Variants in STXBP5L observed in about 807,000 individuals in gnomAD.
The protein encoded by STXBP5L is syntaxin binding protein 5L.
Under a neutral mutation model 144.5 loss-of-function variants are expected in STXBP5L, and 65 were observed. The ratio of observed to expected loss-of-function variants is 0.45; its 90% CI spans 0.37 to 0.55. The LOEUF is 0.55. Ranked by LOEUF, STXBP5L falls within the 20% of genes least tolerant of loss-of-function variation. The pLI, the probability that STXBP5L is intolerant of heterozygous loss-of-function variation, is 0.00. For synonymous variants in STXBP5L, 505 were observed against 469.6 expected (o/e 1.08, Z -0.97); for missense variants, 1,298 against 1,405.5 (o/e 0.92, Z 1.22).
intron 2 of STXBP5L, among the ~76,000 whole-genome samples, chr3:120,929,337 T>C (rs2107612696): frequency 6.6e-6 from 1 of 152,292 alleles, no homozygotes; most frequent in Middle Eastern, 3.4e-3. Flanking sequence ...TCATATGTAG[T>C]TTAGTAATTG....
At chr3:121,118,939 T>C (rs111985002) in intron 6 of STXBP5L, among the ~76,000 whole-genome samples, 2 of 151,580 alleles carry the variant, frequency 1.3e-5, no homozygotes, top group Middle Eastern at 3.4e-3. Context: ...GGAGTTGGTA[T>C]AGAAGAATAG....
At chr3:121,407,689 G>A in intron 23 of STXBP5L, 86 bp downstream of exon 23, 1 of 1,518,938 alleles carries the variant, frequency 6.6e-7, no homozygotes. Flanking sequence ...ATGTGCAGAT[G>A]TTATCAAGAA....
At chr3:121,356,564 G>A (rs2045521971) in intron 20 of STXBP5L, among the ~76,000 whole-genome samples, 2 of 152,224 alleles carry the variant, frequency 1.3e-5, no homozygotes, top group Non-Finnish European at 2.9e-5. Context: ...GTATTTGGGT[G>A]GGAGTATCCC....
intron 11 of STXBP5L, among the ~76,000 whole-genome samples, chr3:121,225,299 C>T (rs1219612755): frequency 2.0e-5 from 3 of 151,922 alleles, no homozygotes; most frequent in African/African-American, 7.3e-5. Flanking sequence ...TTGGATTGTG[C>T]CCCAGGACTC....
chr3:121,044,203 A>T (rs1947352850), intron 4 of STXBP5L, among the ~76,000 whole-genome samples: 1 of 151,968 alleles, frequency 6.6e-6, no homozygotes. Context: ...TGCAAATCAT[A>T]CAAATTTCTA....
chr3:121,297,258 G>A lies in STXBP5L; in HGVS notation c.2110+17302G>A, dbSNP rs181282390. Among the ~76,000 whole-genome samples the A allele has an allele frequency of 2.1e-4, 31 of 150,064 alleles. No individual in the cohort carries two copies. In the East Asian group the frequency reaches 5.7e-3, roughly 27 times the overall value. ...TGTGTGTGATATTCCTGATATTAGTGATAATATACATATATGAATGATTCT... is the reference window on the plus strand; with the variant it reads ...TGTGTGTGATATTCCTGATATTAGTAATAATATACATATATGAATGATTCT... On this transcript the variant is annotated intron_variant, in intron 19 of 26. Coordinates refer to ENST00000471454, the MANE Select transcript of STXBP5L (RefSeq NM_001308330.2).
chr3:120,997,152 T>A (rs1943416951), intron 3 of STXBP5L, among the ~76,000 whole-genome samples: 1 of 152,190 alleles, frequency 6.6e-6, no homozygotes, highest in African/African-American at 2.4e-5. Context: ...TAATTTTCCA[T>A]GGTGTATATG....
chr3:120,973,492 C>G (rs551793462), intron 3 of STXBP5L, among the ~76,000 whole-genome samples: 15 of 151,880 alleles, frequency 9.9e-5, no homozygotes, highest in African/African-American at 2.9e-4. Context: ...AGCTAGCAGT[C>G]TATCATTTTC....
At chr3:121,086,263 A>T (rs1401469381) in intron 5 of STXBP5L, among the ~76,000 whole-genome samples, 2 of 152,040 alleles carry the variant, frequency 1.3e-5, no homozygotes, top group Non-Finnish European at 2.9e-5. Context: ...TATATTTCCA[A>T]TTTTATTCAG....
rs184019424 is a variant in STXBP5L at position 121,012,641 on chromosome 3, G to A, written c.288-29059G>A. Among the ~76,000 whole-genome samples the A allele has an allele frequency of 4.9e-4, 75 of 151,566 alleles. No homozygotes were observed. The East Asian group carries it at 0.012, about 24-fold the overall frequency. ...TGTATATTTCCTTTAGAGAAATGTC[G>A]ATTTAAATATTTTGCTCAGTTTTAT... is the stretch of plus-strand genomic sequence containing the variant. On this transcript the variant is annotated intron_variant, in intron 3 of 26. Coordinates refer to ENST00000471454, the MANE Select transcript of STXBP5L (RefSeq NM_001308330.2).
rs2046774620 is a variant in STXBP5L, at chr3:121,397,993, G to A, written c.2588-9250G>A. On this transcript the variant is annotated intron_variant, in intron 22 of 26. Coordinates refer to ENST00000471454, the MANE Select transcript of STXBP5L (RefSeq NM_001308330.2). The stretch of plus-strand genomic sequence containing the variant: ...CCCTGAATAGTTATTTCACAGGTAG[G>A]ACGTTTATCAGTAATTTGATTTACC... Among the ~76,000 whole-genome samples, 5 of 152,318 alleles carry A rather than the reference G, an allele frequency of 3.3e-5. No individual in the cohort carries two copies. In the South Asian group the frequency reaches 1.0e-3, roughly 32 times the overall value.
intron 22 of STXBP5L, among the ~76,000 whole-genome samples, chr3:121,391,574 G>A (rs1046482973): frequency 6.6e-6 from 1 of 152,148 alleles, no homozygotes; most frequent in Non-Finnish European, 1.5e-5. Flanking sequence ...GAGTTTTGGT[G>A]TAGATGACCT....
chr3:121,061,175 T>C (rs2041257679), intron 5 of STXBP5L, among the ~76,000 whole-genome samples: 1 of 152,210 alleles, frequency 6.6e-6, no homozygotes, highest in East Asian at 1.9e-4. Flanking sequence ...CGTTAAGTCT[T>C]TGTTCTCATT....
chr3:121,279,193 T>A (rs553779302), intron 18 of STXBP5L, among the ~76,000 whole-genome samples: 6 of 152,024 alleles, frequency 3.9e-5, no homozygotes, highest in African/African-American at 7.2e-5. Flanking sequence ...CTGTCTTTTT[T>A]AAATTTCTCA....
chr3:121,263,105 A>G (rs576257990), intron 18 of STXBP5L, among the ~76,000 whole-genome samples: 2 of 152,344 alleles, frequency 1.3e-5, no homozygotes, highest in South Asian at 4.1e-4. Flanking sequence ...CTCTGGGACA[A>G]ATCTTCCAAG....
intron 22 of STXBP5L, among the ~76,000 whole-genome samples, chr3:121,389,609 A>C (rs1156534639): frequency 6.6e-6 from 1 of 152,198 alleles, no homozygotes; most frequent in East Asian, 1.9e-4. Flanking sequence ...GGTTTCAAAG[A>C]ACGTCTTTAT....
At chr3:121,320,979 G>T (rs1252706104) in intron 20 of STXBP5L, among the ~76,000 whole-genome samples, 1 of 152,158 alleles carries the variant, frequency 6.6e-6, no homozygotes, top group Non-Finnish European at 1.5e-5. Flanking sequence ...GATTACAGGC[G>T]TGAGCCACCG....
intron 3 of STXBP5L, among the ~76,000 whole-genome samples, chr3:120,963,812 T>G (rs944987856): frequency 6.6e-6 from 1 of 152,232 alleles, no homozygotes; most frequent in Non-Finnish European, 1.5e-5. Flanking sequence ...GGATTTCCTC[T>G]TTTTCTATTG....
chr3:121,339,826 A>C (rs1190884127), intron 20 of STXBP5L, among the ~76,000 whole-genome samples: 1 of 151,866 alleles, frequency 6.6e-6, no homozygotes, highest in Admixed American at 6.6e-5. Flanking sequence ...AAAAAAAAAA[A>C]AACTAGGAAT....
Sources: gnomAD v4.1 joint callset for allele counts (sites outside exome capture counted in the v4.1 genomes callset) on GRCh38, gnomAD v4.1.1 for gene constraint, MANE v1.5 for transcripts, NCBI Gene and HGNC (gene_info 2026-07-23, HGNC 2026-07-21) for gene names.